Variants in NXPE1 observed in about 807,000 individuals in gnomAD.
NXPE1 encodes neurexophilin and PC-esterase domain family member 1.
In NXPE1, 31 loss-of-function variants were observed where a neutral mutation model predicts 33.3. The observed-to-expected ratio is 0.93, with a 90% CI of 0.70 to 1.26. The LOEUF is 1.26. Among genes scored for constraint, NXPE1 ranks in the 50% most tolerant of loss-of-function variants. The pLI, the probability that NXPE1 is intolerant of heterozygous loss-of-function variation, is 0.00. For missense variants in NXPE1, 661 were observed against 655.6 expected (o/e 1.01, Z -0.09); for synonymous variants, 229 against 231.4 (o/e 0.99, Z 0.09).
intron 5 of NXPE1, among the ~76,000 whole-genome samples, chr11:114,542,925 A>G (rs369078505): frequency 3.5e-4 from 54 of 152,316 alleles, no homozygotes; most frequent in African/African-American, 1.2e-3. Flanking sequence ...TATTTACCAC[A>G]TCAATAAATA....
chr11:114,547,105 A>C (rs1948308156), intron 5 of NXPE1, among the ~76,000 whole-genome samples: 1 of 152,134 alleles, frequency 6.6e-6, no homozygotes, highest in Non-Finnish European at 1.5e-5. Flanking sequence ...TGACCTAGTG[A>C]CCTCTTTTGA....
At chr11:114,537,325 T>C (rs1947870718) in intron 5 of NXPE1, among the ~76,000 whole-genome samples, 1 of 152,182 alleles carries the variant, frequency 6.6e-6, no homozygotes, top group Non-Finnish European at 1.5e-5. Context: ...GCCAATATCA[T>C]ACTGAATGGA....
chr11:114,520,698 C>T (rs950935959), downstream of NXPE1, among the ~76,000 whole-genome samples: 1 of 152,166 alleles, frequency 6.6e-6, no homozygotes, highest in Non-Finnish European at 1.5e-5. Context: ...TCCATAATGG[C>T]TGTACCAACT....
At chr11:114,546,420 A>T (rs1948284515) in intron 5 of NXPE1, among the ~76,000 whole-genome samples, 1 of 151,974 alleles carries the variant, frequency 6.6e-6, no homozygotes, top group African/African-American at 2.4e-5. Context: ...ATAATTATAG[A>T]TATGCATGTA....
chr11:114,550,552 T>C (rs1948444366), intron 5 of NXPE1, among the ~76,000 whole-genome samples: 1 of 152,194 alleles, frequency 6.6e-6, no homozygotes, highest in South Asian at 2.1e-4. Flanking sequence ...TGATGTCTTA[T>C]ATCTTTCAAC....
Position 114,551,379 on chromosome 11 carries a change from C to CT in NXPE1, c.-11+3dup, listed in dbSNP as rs1948477066. 1 of 1,394,172 alleles carries CT rather than the reference C, an allele frequency of 7.2e-7. No homozygotes were observed. Among genetic ancestry groups the CT allele is most frequent in the Non-Finnish European group, 9.3e-7 (1 of 1,078,786 alleles). The allele number at this position is 1,394,172 out of a possible 1,614,324, so 86.4% of individuals were successfully genotyped here. A position where few individuals can be genotyped will look rare whatever the true frequency, so the allele number is the denominator to read the frequency against. ...CAACTCATACCCCCAATCCCTTTGT[C>CT]TACCTATTGGATACTTCTTGTCGAG... On this transcript the variant is annotated splice_donor_region_variant and intron_variant, in intron 4 of 8. Transcript: ENST00000534921.
intron 7 of NXPE1, 126 bp downstream of exon 7, chr11:114,527,714 G>T: frequency 3.4e-6 from 2 of 586,316 alleles, no homozygotes; most frequent in Non-Finnish European, 3.0e-6. Context: ...TCCCTTTAAA[G>T]TCCAGCATGA....
chr11:114,558,343 C>T (rs1214041185), intron 1 of NXPE1, among the ~76,000 whole-genome samples: 4 of 152,030 alleles, frequency 2.6e-5, no homozygotes, highest in Non-Finnish European at 5.9e-5. Flanking sequence ...TATAGGCACA[C>T]ATAGAGAACA....
intron 7 of NXPE1, among the ~76,000 whole-genome samples, chr11:114,525,976 C>G (rs1947357278): frequency 6.6e-6 from 1 of 152,156 alleles, no homozygotes; most frequent in African/African-American, 2.4e-5. Flanking sequence ...CAGGGTATGG[C>G]CTTTGAGATG....
intron 5 of NXPE1, among the ~76,000 whole-genome samples, chr11:114,550,366 G>A (rs1463775414): frequency 6.6e-6 from 1 of 152,054 alleles, no homozygotes; most frequent in Non-Finnish European, 1.5e-5. Context: ...GGATGGTATT[G>A]ATGCATGAAT....
chr11:114,528,281 G>A (rs1267270599), intron 6 of NXPE1, among the ~76,000 whole-genome samples: 2 of 152,146 alleles, frequency 1.3e-5, no homozygotes. Flanking sequence ...GCAAGTCTCA[G>A]TTTTATCCCA....
exon 3 of NXPE1, chr11:114,552,040 A>G (rs1314480526): frequency 6.6e-6 from 1 of 152,260 alleles, no homozygotes; most frequent in Non-Finnish European, 1.5e-5. Flanking sequence ...TGTGGAATCC[A>G]AAAAGTTCTG....
intron 5 of NXPE1, among the ~76,000 whole-genome samples, chr11:114,544,392 G>A (rs573010418): frequency 9.9e-5 from 15 of 152,220 alleles, no homozygotes; most frequent in Admixed American, 3.3e-4. Context: ...GATTAATCAA[G>A]GGAACATAAT....
intron 1 of NXPE1, among the ~76,000 whole-genome samples, chr11:114,559,558 C>T (rs1218269432): frequency 6.6e-6 from 1 of 151,960 alleles, no homozygotes; most frequent in Non-Finnish European, 1.5e-5. Context: ...TTGATGCTGT[C>T]TCACCGTCAA....
At chr11:114,553,311 C>T (rs565339306) in intron 1 of NXPE1, among the ~76,000 whole-genome samples, 22 of 152,234 alleles carry the variant, frequency 1.4e-4, no homozygotes, top group East Asian at 3.9e-4. Context: ...GTCCCTCATT[C>T]GAGAGGAGAA....
At chr11:114,538,098 A>C (rs1272562848) in intron 5 of NXPE1, among the ~76,000 whole-genome samples, 1 of 152,230 alleles carries the variant, frequency 6.6e-6, no homozygotes, top group Non-Finnish European at 1.5e-5. Flanking sequence ...CCAATGGAAC[A>C]GAACAGAGCC....
At chr11:114,540,167 G>T (rs920616578) in intron 5 of NXPE1, among the ~76,000 whole-genome samples, 1 of 152,280 alleles carries the variant, frequency 6.6e-6, no homozygotes, top group East Asian at 1.9e-4. Context: ...ATGTTGGCCA[G>T]GCTGGCCTCA....
chr11:114,557,818 C>T (rs908680313), intron 1 of NXPE1, among the ~76,000 whole-genome samples: 6 of 151,644 alleles, frequency 4.0e-5, no homozygotes, highest in Non-Finnish European at 8.8e-5. Flanking sequence ...GTGACAAATT[C>T]TCAAGGTTAC....
chr11:114,521,615 G>T (rs1947213165), downstream of NXPE1: 1 of 186,582 alleles, frequency 5.4e-6, no homozygotes, highest in South Asian at 1.3e-4. Flanking sequence ...GGTTATCATT[G>T]CTCCTAGGCC....
Sources: gnomAD v4.1 joint callset for allele counts (sites outside exome capture counted in the v4.1 genomes callset) on GRCh38, gnomAD v4.1.1 for gene constraint, MANE v1.5 for transcripts, NCBI Gene and HGNC (gene_info 2026-07-23, HGNC 2026-07-21) for gene names.